FHAD1: variants seen among roughly 807,000 people sequenced by gnomAD.
FHAD1 encodes forkhead associated phosphopeptide binding domain 1.
FHAD1 carries 146 observed loss-of-function variants against 191.3 expected under a neutral mutation model. The observed-to-expected ratio is 0.76, with a 90% CI of 0.67 to 0.88. FHAD1 has a LOEUF of 0.88. Among genes scored for constraint, FHAD1 ranks in the 40% least tolerant of loss-of-function variants. The pLI is 0.00. For synonymous variants in FHAD1, 616 were observed against 672.3 expected (o/e 0.92, Z 1.29); for missense variants, 1,635 against 1,785.8 (o/e 0.92, Z 1.52).
intron 31 of FHAD1, chr1:15,383,063 G>A (rs977086427): frequency 4.2e-6 from 2 of 471,418 alleles, no homozygotes; most frequent in East Asian, 1.4e-4. Context: ...TGGTACAGGA[G>A]TCAGCCGGTC....
At chr1:15,294,431 T>C (rs1382474490) in intron 4 of FHAD1, among the ~76,000 whole-genome samples, 1 of 152,162 alleles carries the variant, frequency 6.6e-6, no homozygotes, top group Non-Finnish European at 1.5e-5. Flanking sequence ...GCTCACTCTG[T>C]AACCCAGGCT....
At chr1:15,348,443 C>A (rs574685732) in intron 18 of FHAD1, among the ~76,000 whole-genome samples, 4 of 152,288 alleles carry the variant, frequency 2.6e-5, no homozygotes, top group African/African-American at 9.6e-5. Flanking sequence ...AGCTTACCAG[C>A]AAGTAACTTC....
chr1:15,261,494 C>T (rs1651039823), intron 2 of FHAD1, among the ~76,000 whole-genome samples: 2 of 152,152 alleles, frequency 1.3e-5, no homozygotes, highest in Admixed American at 1.3e-4. Context: ...CTGTCACAGA[C>T]TCCATTACAC....
Position 15,381,487 on chromosome 1 carries a change from C to G in FHAD1, c.4022+36C>G. On this transcript the variant is annotated intron_variant, in intron 30 of 33. Coordinates refer to ENST00000688493, the MANE Select transcript of FHAD1 (RefSeq NM_001391957.1). The surrounding 1 kb of genome is among the most constrained non-coding windows in gnomAD (Gnocchi z 4.6). ...ACCCCCATGTCCCCACAGAAAGGCCCGGGCCTCCCTTCTCCTGGCTAAACT... is the reference window on the plus strand; with the variant it reads ...ACCCCCATGTCCCCACAGAAAGGCCGGGGCCTCCCTTCTCCTGGCTAAACT... 1 of 1,497,526 alleles carries G rather than the reference C, an allele frequency of 6.7e-7. No individual in the cohort carries two copies. Among genetic ancestry groups the G allele is most frequent in the South Asian group, 1.2e-5 (1 of 82,556 alleles). The allele number at this position is 1,497,526 out of a possible 1,614,324, so 92.8% of individuals were successfully genotyped here.
intron 33 of FHAD1, among the ~76,000 whole-genome samples, chr1:15,396,086 G>A (rs1321754293): frequency 6.6e-6 from 1 of 152,214 alleles, no homozygotes; most frequent in Non-Finnish European, 1.5e-5. Context: ...AAGGAGAGCA[G>A]ATCACTTGAG....
chr1:15,274,115 G>T (rs532550998), intron 3 of FHAD1, among the ~76,000 whole-genome samples: 1 of 152,212 alleles, frequency 6.6e-6, no homozygotes, highest in African/African-American at 2.4e-5. Context: ...TTGTATGAGA[G>T]ACCACATTTT....
intron 8 of FHAD1, chr1:15,314,632 TATGTGGGTGTGTGGGGGTATGG>T (rs1673457235): frequency 2.4e-4 from 1 of 4,094 alleles, no homozygotes; most frequent in Non-Finnish European, 5.6e-4. Context: ...TGTGAGGATG[TATGTGGGTGTGTGGGGGTATGG>T]ATGTGTGGTG....
downstream of FHAD1, among the ~76,000 whole-genome samples, chr1:15,398,665 C>T (rs1035090359): frequency 1.3e-5 from 2 of 152,084 alleles, no homozygotes; most frequent in African/African-American, 2.4e-5. Context: ...ACACACACTC[C>T]TGTTCCACGG....
intron 10 of FHAD1, among the ~76,000 whole-genome samples, chr1:15,319,012 TAAAG>T (rs1341827421): frequency 6.6e-6 from 1 of 152,056 alleles, no homozygotes; most frequent in Non-Finnish European, 1.5e-5. Context: ...TTTTAATAAA[TAAAG>T]ACAGAGCTTC....
rs114852757 is a variant in FHAD1, at chr1:15,308,798, C to A, written c.1039+62C>A. The A allele has an allele frequency of 1.0e-3, 1,549 of 1,545,812 alleles. 11 individuals carry two copies. The African/African-American group carries it at 0.019, about 19-fold the overall frequency. On this transcript the variant is annotated intron_variant, in intron 7 of 33. Transcript: ENST00000688493. ...CCGCACCCGTTGTTCTTGGCCACAG[C>A]AGACATCACCAATCAACCACATACT...
At position 15,369,097 on chromosome 1, in the gene FHAD1, T is replaced by C. The variant is rs190799908; in HGVS notation, c.3315-273T>C. On this transcript the variant is annotated intron_variant, in intron 25 of 33. Transcript: ENST00000688493. ...GAAGGGTTAGCCACACATAAAGTGT[T>C]AGAAACAGCAGACATGCAGTGAATG... 2.1e-3 allele frequency among the ~76,000 whole-genome samples: 319 copies of C among 152,256 alleles called. 1 individual carries two copies. Among genetic ancestry groups the C allele is most frequent in the African/African-American group, 7.5e-3 (312 of 41,552 alleles).
intron 3 of FHAD1, among the ~76,000 whole-genome samples, chr1:15,285,786 T>C (rs1247831438): frequency 6.6e-6 from 1 of 151,976 alleles, no homozygotes; most frequent in African/African-American, 2.4e-5. Flanking sequence ...AGCCAAGAGG[T>C]GAATGCAGCC....
At chr1:15,374,679 T>C in intron 27 of FHAD1, 48 bp downstream of exon 27, 2 of 1,547,428 alleles carry the variant, frequency 1.3e-6, no homozygotes, top group Non-Finnish European at 1.7e-6. Context: ...AGACTCCGGC[T>C]CACTTTGGGG....
chr1:15,293,726 C>A (rs56352908), intron 4 of FHAD1, among the ~76,000 whole-genome samples: 32,894 of 152,030 alleles, frequency 0.22, 3,807 homozygotes, highest in African/African-American at 0.32. Flanking sequence ...CTCAAAAAAC[C>A]AACAAACAAA....
intron 8 of FHAD1, chr1:15,314,662 GT>G (rs1192141821): frequency 0.054 from 3 of 56 alleles, no homozygotes; most frequent in Admixed American, 0.5. Context: ...TGGATGTGTG[GT>G]GTGGGGGTGA....
At position 15,339,751 on chromosome 1, in the gene FHAD1, T is replaced by C. The variant is rs140659484; in HGVS notation, c.1977+200T>C. Among the ~76,000 whole-genome samples, 1,483 of 152,256 alleles carry C rather than the reference T, an allele frequency of 9.7e-3. 84 individuals carry two copies. Among genetic ancestry groups the C allele is most frequent in the Admixed American group, 0.085 (1,296 of 15,300 alleles). On this transcript the variant is annotated intron_variant, in intron 15 of 33. Transcript: ENST00000688493. ...AGATCTCCCAGGAGGGTAAGGACAA[T>C]GACAGGGTGCTGCCCTCTGGCCTCC...
chr1:15,348,114 A>G (rs1482659406), intron 18 of FHAD1, among the ~76,000 whole-genome samples: 2 of 152,236 alleles, frequency 1.3e-5, no homozygotes, highest in Non-Finnish European at 2.9e-5. Context: ...ATAAACGTGA[A>G]ATTCTTATGA....
intron 20 of FHAD1, among the ~76,000 whole-genome samples, chr1:15,354,043 G>T (rs917818152): frequency 6.6e-6 from 1 of 152,214 alleles, no homozygotes; most frequent in African/African-American, 2.4e-5. Context: ...GGCAATCATG[G>T]GTTAAATTTA....
At chr1:15,244,825 A>T (rs1557895485), upstream of FHAD1, among the ~76,000 whole-genome samples, 1 of 152,170 alleles carries the variant, frequency 6.6e-6, no homozygotes, top group Non-Finnish European at 1.5e-5. This position sits in a 1 kb window ranked among gnomAD's most constrained non-coding sequence, Gnocchi z 5.1. Context: ...ATGATAAGTG[A>T]TGTATTAGTC....
Sources: allele counts gnomAD v4.1 joint callset (sites outside exome capture counted in the v4.1 genomes callset), GRCh38; gene constraint gnomAD v4.1.1; non-coding constraint Gnocchi (gnomAD v3.1); transcripts MANE v1.5; gene names NCBI Gene and HGNC (gene_info 2026-07-23, HGNC 2026-07-21).